PAICS: variants seen among roughly 807,000 people sequenced by gnomAD.
PAICS encodes phosphoribosylaminoimidazole carboxylase and phosphoribosylaminoimidazolesuccinocarboxamide synthase.
PAICS carries 33 observed loss-of-function variants against 53.7 expected under a neutral mutation model. That is an observed-to-expected ratio of 0.61 (90% CI 0.47 to 0.82). The LOEUF (loss-of-function observed/expected upper bound fraction) is 0.82. Among genes scored for constraint, PAICS ranks in the 40% least tolerant of loss-of-function variants. The pLI, the probability that PAICS is intolerant of heterozygous loss-of-function variation, is 0.00. For missense variants in PAICS, 394 were observed against 494.1 expected (o/e 0.80, Z 1.92); for synonymous variants, 141 against 167.2 (o/e 0.84, Z 1.21).
the PAICS span, among the ~76,000 whole-genome samples, chr4:56,418,696 T>C: frequency 6.6e-6 from 1 of 152,214 alleles, no homozygotes; most frequent in Admixed American, 6.5e-5. Context: ...AAAGTTAATG[T>C]GCTTGTAAGT....
upstream of PAICS, chr4:56,435,248 C>T: frequency 6.5e-7 from 1 of 1,534,948 alleles, no homozygotes; most frequent in Non-Finnish European, 8.8e-7. Flanking sequence ...TCGGAGAGGT[C>T]GGTCCTCCCG....
rs946683128 is a variant in PAICS at position 56,461,626 on chromosome 4, C to T, written c.*2088C>T. ...GCAGCCTTGAACTCCTGGACTCAAG[C>T]TGCAGCCTCTCGAGTAGCTGGGTGC... On this transcript the variant is annotated 3_prime_UTR_variant, in exon 9 of 9. Transcript: ENST00000512576. 1 of 152,004 alleles carries T rather than the reference C, an allele frequency of 6.6e-6. No individual in the cohort carries two copies. Among genetic ancestry groups the T allele is most frequent in the African/African-American group, 2.4e-5 (1 of 41,346 alleles). 9.4% of individuals were successfully genotyped at this position (152,004 alleles called of 1,614,324 possible).
Position 56,436,299 on chromosome 4 carries a change from G to C in PAICS, c.-14G>C. 1 of 1,601,102 alleles carries C rather than the reference G, an allele frequency of 6.2e-7. No individual in the cohort carries two copies. On this transcript the variant is annotated 5_prime_UTR_variant, in exon 1 of 9. Transcript: ENST00000512576. The stretch of plus-strand genomic sequence containing the variant: ...CTTCCCGGCGCGGTCGCAGCCCTCA[G>C]CCCACTTAGGATAATGGCGACAGCT...
At chr4:56,430,284 C>A in the PAICS span, among the ~76,000 whole-genome samples, 1 of 152,088 alleles carries the variant, frequency 6.6e-6, no homozygotes, top group Admixed American at 6.6e-5. Context: ...ATGCATATAT[C>A]CAAGCACTGT....
rs1382188652 is a variant in PAICS at position 56,448,764 on chromosome 4, G to A, written c.628G>A (p.Asp210Asn). Residue 210 changes from aspartate (D) to asparagine (N), a missense_variant, in exon 5 of 9, where the codon GAC becomes AAC. By Grantham distance (23) the Asp-to-Asn change is conservative. Around this residue, in one of 3 missense-constraint regions of PAICS, gnomAD observed 131 missense variants for 205.5 expected, o/e 0.64. Transcript: ENST00000512576. ...TKEIVLADVI[D>N]NDSWRLWPSG... ...AGAAATTGTTCTTGCTGATGTTATT[G>A]ACAATGATTCCTGGAGACTCTGGCC... The A allele has an allele frequency of 6.3e-7, 1 of 1,599,710 alleles. No homozygotes were observed. The highest frequency in any genetic ancestry group is 8.5e-7 in the Non-Finnish European group (1 of 1,172,112).
chr4:56,456,615 T>C (rs1467031714), intron 8 of PAICS, among the ~76,000 whole-genome samples: 5 of 151,856 alleles, frequency 3.3e-5, no homozygotes, highest in African/African-American at 9.7e-5. Flanking sequence ...CCGTATGTTG[T>C]CCAGGCTTGT....
At chr4:56,458,460 T>C (rs1273810099) in intron 8 of PAICS, among the ~76,000 whole-genome samples, 7 of 152,198 alleles carry the variant, frequency 4.6e-5, no homozygotes, top group African/African-American at 1.7e-4. Context: ...ACTTTATCTA[T>C]GTTATTAACT....
chr4:56,459,686 A>C lies in PAICS; in HGVS notation c.*148A>C, dbSNP rs1719406572. ...TAAATGCTTCTCTAGATCCATATTA[A>C]TAAACATGAGCATCTAACCCCTCCT... is the stretch of plus-strand genomic sequence containing the variant. On this transcript the variant is annotated 3_prime_UTR_variant, in exon 9 of 9. Coordinates refer to ENST00000512576, the MANE Select transcript of PAICS (RefSeq NM_001079524.2). 1.7e-6 allele frequency: 1 copy of C among 596,864 alleles called. No homozygotes were observed. The highest frequency in any genetic ancestry group is 3.2e-5 in the Admixed American group (1 of 31,228). The allele number at this position is 596,864 out of a possible 1,614,324, so 37.0% of individuals were successfully genotyped here.
chr4:56,410,929 G>C, the PAICS span: 13 of 391,658 alleles, frequency 3.3e-5, no homozygotes, highest in Non-Finnish European at 3.9e-5. Flanking sequence ...AAAAAAAAAA[G>C]AAAAGTACTC....
intron 7 of PAICS, among the ~76,000 whole-genome samples, chr4:56,452,412 T>C (rs1331173610): frequency 2.0e-5 from 3 of 152,310 alleles, no homozygotes; most frequent in Non-Finnish European, 2.9e-5. Context: ...CCTGATCTCA[T>C]GATCCGCCTG....
chr4:56,438,402 T>TATATATAC, intron 1 of PAICS, among the ~76,000 whole-genome samples: 1 of 132,164 alleles, frequency 7.6e-6, no homozygotes, highest in Non-Finnish European at 1.6e-5. Flanking sequence ...TATATATATA[T>TATATATAC]AAAAGGTTTT....
Position 56,463,825 on chromosome 4 carries a change from G to A in PAICS, c.*4287G>A, listed in dbSNP as rs1389065389. The stretch of plus-strand genomic sequence containing the variant: ...GACTAGGCTACGGGATGCCTTGATA[G>A]CTGGTCAAACAACATTTCTAGGTAC... On this transcript the variant is annotated 3_prime_UTR_variant, in exon 9 of 9. Coordinates refer to ENST00000512576, the MANE Select transcript of PAICS (RefSeq NM_001079524.2). The A allele has an allele frequency of 6.6e-6, 1 of 152,118 alleles. No homozygotes were observed. The highest frequency in any genetic ancestry group is 1.5e-5 in the Non-Finnish European group (1 of 68,036). 9.4% of individuals were successfully genotyped at this position (152,118 alleles called of 1,614,324 possible). A position where few individuals can be genotyped will look rare whatever the true frequency, so the allele number is the denominator to read the frequency against.
chr4:56,437,106 A>G (rs1718038513), intron 1 of PAICS, among the ~76,000 whole-genome samples: 1 of 147,682 alleles, frequency 6.8e-6, no homozygotes, highest in Non-Finnish European at 1.5e-5. Flanking sequence ...TGATGCCACG[A>G]TAGCTTGGGG....
At chr4:56,419,650 C>T in the PAICS span, 2 of 983,274 alleles carry the variant, frequency 2.0e-6, no homozygotes, top group Non-Finnish European at 2.4e-6. Flanking sequence ...TCTAATAATA[C>T]AACTTTTATC....
the PAICS span, chr4:56,414,192 T>C: frequency 2.0e-5 from 3 of 152,208 alleles, no homozygotes; most frequent in African/African-American, 7.2e-5. Context: ...TTTGATTCAT[T>C]ATGTAATGTT....
upstream of PAICS, chr4:56,436,244 ACCACC>A: frequency 1.3e-6 from 2 of 1,556,522 alleles, no homozygotes; most frequent in Non-Finnish European, 1.7e-6. Context: ...AAGCTCTCTG[ACCACC>A]CCTCTTTTCT....
chr4:56,423,346 G>A, the PAICS span: 1 of 152,166 alleles, frequency 6.6e-6, no homozygotes, highest in East Asian at 1.9e-4. Context: ...ATTATGCCAG[G>A]TGCAGTTGGC....
intron 8 of PAICS, among the ~76,000 whole-genome samples, chr4:56,458,465 T>G (rs1399517262): frequency 6.6e-6 from 1 of 152,190 alleles, no homozygotes. Flanking sequence ...ATCTATGTTA[T>G]TAACTCATTG....
At chr4:56,442,835 C>T (rs1440306662) in intron 2 of PAICS, among the ~76,000 whole-genome samples, 1 of 152,136 alleles carries the variant, frequency 6.6e-6, no homozygotes, top group Non-Finnish European at 1.5e-5. Context: ...GTGCCTTCCA[C>T]AAAATAACAA....
Sources: allele counts gnomAD v4.1 joint callset (sites outside exome capture counted in the v4.1 genomes callset), GRCh38; gene constraint gnomAD v4.1.1; regional missense constraint gnomAD v4.1.1; transcripts MANE v1.5; gene names NCBI Gene and HGNC (gene_info 2026-07-23, HGNC 2026-07-21).